The following SERTAD3 variants were observed in gnomAD, a reference collection of about 807,000 sequenced individuals.
SERTAD3 encodes the protein SERTA domain-containing protein 3.
A neutral mutation model predicts 11.9 loss-of-function variants in SERTAD3; 6 were observed. That is an observed-to-expected ratio of 0.50 (90% CI 0.28 to 0.99). The LOEUF (loss-of-function observed/expected upper bound fraction) is 0.99. SERTAD3 is among the 50% of genes least tolerant of loss of function. SERTAD3 has a pLI of 0.11. For synonymous variants in SERTAD3, 101 were observed against 98.9 expected (o/e 1.02, Z -0.13); for missense variants, 261 against 240.9 (o/e 1.08, Z -0.55).
At position 40,441,945 on chromosome 19, in the gene SERTAD3, C is replaced by T. The variant is rs1339982409; in HGVS notation, c.136G>A (p.Gly46Ser). The T allele has an allele frequency of 6.4e-7, 1 of 1,570,172 alleles. No homozygotes were observed. The highest frequency in any genetic ancestry group is 8.6e-7 in the Non-Finnish European group (1 of 1,159,304). Residue 46 changes from glycine (G) to serine (S), a missense_variant, in exon 2 of 2, where the codon GGC becomes AGC. Physicochemically the swap from Gly to Ser is moderately conservative, Grantham distance 56. Coordinates refer to ENST00000322354, the MANE Select transcript of SERTAD3 (RefSeq NM_203344.3). ...CTGCGGAGGCTGGGTGCTCGGGGGC[C>T]CAGGCTGCGCTGGACTTTGTCTAGG... is the stretch of plus-strand genomic sequence containing the variant. ...ISLDKVQRSL[G>S]PRAPSLRRHV...
rs760926284 is a variant in SERTAD3 at position 40,441,977 on chromosome 19, C to T, written c.104G>A (p.Arg35His). Residue 35 changes from arginine (R) to histidine (H), a missense_variant, in exon 2 of 2, where the codon CGC becomes CAC. Transcript: ENST00000322354. Reference sequence around the variant, plus strand: ...GCGCTGGACTTTGTCTAGGGAGATGCGGAGCAGGGCTTGCTGGTAGCTCTG... The same window carrying T: ...GCGCTGGACTTTGTCTAGGGAGATGTGGAGCAGGGCTTGCTGGTAGCTCTG... The part of the protein sequence containing the change: ...GLQSYQQALL[R>H]ISLDKVQRSL... 1.3e-6 allele frequency: 2 copies of T among 1,553,514 alleles called. No individual in the cohort carries two copies. The highest frequency in any genetic ancestry group is 1.2e-5 in the South Asian group (1 of 81,262).
intron 1 of SERTAD3, chr19:40,443,530 T>G (rs570111450): frequency 6.5e-6 from 1 of 153,142 alleles, no homozygotes; most frequent in African/African-American, 2.4e-5. Flanking sequence ...CCGGTCCCTC[T>G]GTTCCTTGAA....
Position 40,441,746 on chromosome 19 carries a change from G to C in SERTAD3, c.335C>G (p.Pro112Arg). Residue 112 changes from proline (P) to arginine (R), a missense_variant, in exon 2 of 2, where the codon CCT becomes CGT. Physicochemically the swap from Pro to Arg is moderately radical, Grantham distance 103. Transcript: ENST00000322354. ...LDTSMDGTEP[P>R]QNPVTPLGLQ... ...GCCAAGGGGAGTCACTGGATTCTGA[G>C]GGGGCTCAGTCCCATCCATGGAGGT... The C allele has an allele frequency of 1.9e-6, 3 of 1,614,042 alleles. No individual in the cohort carries two copies. Among genetic ancestry groups the C allele is most frequent in the Non-Finnish European group, 2.5e-6 (3 of 1,179,952 alleles).
intron 1 of SERTAD3, chr19:40,442,295 C>CCGTCTGAGAAGTGAGGA: frequency 2.5e-6 from 1 of 392,720 alleles, no homozygotes; most frequent in South Asian, 1.3e-4. Context: ...TCTGGCGTTA[C>CCGTCTGAGAAGTGAGGA]GTACAGCTAG....
chr19:40,443,556 T>C (rs2079695236), intron 1 of SERTAD3: 1 of 153,210 alleles, frequency 6.5e-6, no homozygotes, highest in African/African-American at 2.4e-5. Context: ...GCGATTCTCC[T>C]TCCAAACTGC....
intron 1 of SERTAD3, chr19:40,443,615 T>G (rs1209070811): frequency 6.5e-6 from 1 of 153,596 alleles, no homozygotes; most frequent in Non-Finnish European, 1.5e-5. Context: ...AAGACGACAA[T>G]GCTCCGATCT....
chr19:40,442,234 G>A (rs1305992409), intron 1 of SERTAD3, 148 bp from the exon 2 acceptor site: 1 of 441,604 alleles, frequency 2.3e-6, no homozygotes, highest in Non-Finnish European at 3.9e-6. Context: ...AAGGCTGTCT[G>A]AATCCTACAA....
Position 40,441,767 on chromosome 19 carries a change from G to T in SERTAD3, c.314C>A (p.Ser105Tyr), listed in dbSNP as rs1286303938. The T allele has an allele frequency of 2.5e-6, 4 of 1,613,270 alleles. No homozygotes were observed. Among genetic ancestry groups the T allele is most frequent in the Non-Finnish European group, 3.4e-6 (4 of 1,179,690 alleles). Reference protein sequence around the residue: ...IGSILRELDTSMDGTEPPQNP... With the variant: ...IGSILRELDTYMDGTEPPQNP... The stretch of plus-strand genomic sequence containing the variant: ...CTGAGGGGGCTCAGTCCCATCCATG[G>T]AGGTGTCCAGCTCCCTGAGGATAGA... The change falls in exon 2 of 2, where the codon TCC becomes TAC. Residue 105 changes from serine to tyrosine, a missense_variant. By Grantham distance (144) the Ser-to-Tyr change is moderately radical. Coordinates refer to ENST00000322354, the MANE Select transcript of SERTAD3 (RefSeq NM_203344.3).
chr19:40,441,919 C>T lies in SERTAD3; in HGVS notation c.162G>A (p.Arg54=). 6.4e-7 allele frequency: 1 copy of T among 1,573,528 alleles called. No individual in the cohort carries two copies. Among genetic ancestry groups the T allele is most frequent in the Non-Finnish European group, 8.6e-7 (1 of 1,160,898 alleles). The stretch of plus-strand genomic sequence containing the variant: ...GGAGGGTGTTATGGATGAGGACATG[C>T]CTGCGGAGGCTGGGTGCTCGGGGGC... ...SLGPRAPSLR[R]HVLIHNTLQQ... The change falls in exon 2 of 2, where the codon AGG becomes AGA. Residue 54 remains arginine, a synonymous_variant. Transcript: ENST00000322354.
At position 40,441,254 on chromosome 19, in the gene SERTAD3, T is replaced by C. The variant is rs2079672950; in HGVS notation, c.*236A>G. ...GAAAATCAGACTCCCAGAAACAGAG[T>C]CTCGTTAAGGCATTTGGAATAGATA... On this transcript the variant is annotated 3_prime_UTR_variant, in exon 2 of 2. Transcript: ENST00000322354. 4.9e-6 allele frequency: 2 copies of C among 405,418 alleles called. No individual in the cohort carries two copies. Among genetic ancestry groups the C allele is most frequent in the Admixed American group, 4.2e-5 (1 of 24,082 alleles). 25.1% of individuals were successfully genotyped at this position (405,418 alleles called of 1,614,324 possible).
At position 40,441,846 on chromosome 19, in the gene SERTAD3, G is replaced by GGGGCA. The variant is rs1412571390; in HGVS notation, c.230_234dup (p.Pro79CysfsTer40). On this transcript the variant is annotated frameshift_variant, in exon 2 of 2. Coordinates refer to ENST00000322354, the MANE Select transcript of SERTAD3 (RefSeq NM_203344.3). LOFTEE classifies it high-confidence loss of function. ...TCCTCGCCCAGGAAGAGGGGCTCGG[G>GGGGCA]GGGCAGGGCAGGGGCGGGAGCCAGG... 5.7e-6 allele frequency: 9 copies of GGGGCA among 1,583,286 alleles called. No individual in the cohort carries two copies. The highest frequency in any genetic ancestry group is 1.2e-5 in the South Asian group (1 of 86,552).
intron 1 of SERTAD3, chr19:40,443,849 C>A (rs2145772232): frequency 6.5e-6 from 1 of 153,792 alleles, no homozygotes; most frequent in South Asian, 2.1e-4. Context: ...AATCTCAGCT[C>A]CGTACCTCTC....
Position 40,441,760 on chromosome 19 carries a change from A to G in SERTAD3, c.321T>C (p.Asp107=), listed in dbSNP as rs1165222428. The change falls in exon 2 of 2, where the codon GAT becomes GAC. Residue 107 remains aspartate (D), a synonymous_variant. Transcript: ENST00000322354. The stretch of plus-strand genomic sequence containing the variant: ...CTGGATTCTGAGGGGGCTCAGTCCC[A>G]TCCATGGAGGTGTCCAGCTCCCTGA... ...SILRELDTSM[D]GTEPPQNPVT... The G allele has an allele frequency of 1.2e-6, 2 of 1,613,816 alleles. No homozygotes were observed. The highest frequency in any genetic ancestry group is 8.5e-7 in the Non-Finnish European group (1 of 1,179,858).
intron 1 of SERTAD3, 23 bp from the exon 2 acceptor site, chr19:40,442,109 G>T: frequency 7.2e-7 from 1 of 1,389,602 alleles, no homozygotes; most frequent in East Asian, 2.6e-5. Context: ...GAGGCGCATA[G>T]GGGAAGGTCA....
rs1391072033 is a variant in SERTAD3, at chr19:40,444,244, C to G, written c.-36G>C. 2 of 152,484 alleles carry G rather than the reference C, an allele frequency of 1.3e-5. No individual in the cohort carries two copies. Among genetic ancestry groups the G allele is most frequent in the African/African-American group, 2.4e-5 (1 of 41,448 alleles). The allele number at this position is 152,484 out of a possible 1,614,324, so 9.4% of individuals were successfully genotyped here. On this transcript the variant is annotated 5_prime_UTR_variant, in exon 1 of 2. Coordinates refer to ENST00000322354, the MANE Select transcript of SERTAD3 (RefSeq NM_203344.3). Reference sequence around the variant, plus strand: ...GCTGCCAGGTTCGCCACGACCACCTCCTGGAACGCCCACAGCGTTGCGACC... The same window carrying G: ...GCTGCCAGGTTCGCCACGACCACCTGCTGGAACGCCCACAGCGTTGCGACC...
At position 40,441,783 on chromosome 19, in the gene SERTAD3, T is replaced by G; in HGVS notation, c.298A>C (p.Arg100=). The change falls in exon 2 of 2, where the codon AGG becomes CGG. Residue 100 remains arginine, a synonymous_variant. Transcript: ENST00000322354. ...CCATCCATGGAGGTGTCCAGCTCCC[T>G]GAGGATAGAGCCAATGGTGGCTGAC... The part of the protein sequence containing the change: ...SLSATIGSIL[R]ELDTSMDGTE... 1 of 1,610,592 alleles carries G rather than the reference T, an allele frequency of 6.2e-7. No individual in the cohort carries two copies. Among genetic ancestry groups the G allele is most frequent in the South Asian group, 1.1e-5 (1 of 90,746 alleles).
intron 1 of SERTAD3, chr19:40,442,740 C>T (rs928484806): frequency 5.2e-5 from 8 of 152,478 alleles, no homozygotes; most frequent in African/African-American, 1.9e-4. Context: ...GGGTCTCGCT[C>T]TGTCGCCCAG....
chr19:40,442,032 C>G lies in SERTAD3; in HGVS notation c.49G>C (p.Glu17Gln). 1 of 1,504,996 alleles carries G rather than the reference C, an allele frequency of 6.6e-7. No homozygotes were observed. Among genetic ancestry groups the G allele is most frequent in the Middle Eastern group, 1.8e-4 (1 of 5,570 alleles). The allele number at this position is 1,504,996 out of a possible 1,614,324, so 93.2% of individuals were successfully genotyped here. Residue 17 changes from glutamate (E) to glutamine (Q), a missense_variant, in exon 2 of 2, where the codon GAG becomes CAG. By Grantham distance (29) the Glu-to-Gln change is conservative (BLOSUM62 2). Coordinates refer to ENST00000322354, the MANE Select transcript of SERTAD3 (RefSeq NM_203344.3). ...CCTGCTGGACTCCACTCCCACCTCT[C>G]CTCCTCCTCTTCCAAATCAGAGTGT... ...RKHSDLEEEEERWEWSPAGLQ... is the reference protein window; with the variant it reads ...RKHSDLEEEEQRWEWSPAGLQ...
chr19:40,441,631 G>C lies in SERTAD3; in HGVS notation c.450C>G (p.Phe150Leu). Reference protein sequence around the residue: ...RYLGDSGLDDFFLDIDTSAVE... With the variant: ...RYLGDSGLDDLFLDIDTSAVE... ...CCGCAGATGTGTCAATGTCCAGAAAGAAGTCATCCAGGCCAGAGTCCCCCA... is the reference window on the plus strand; with the variant it reads ...CCGCAGATGTGTCAATGTCCAGAAACAAGTCATCCAGGCCAGAGTCCCCCA... Residue 150 changes from phenylalanine to leucine, a missense_variant, in exon 2 of 2, where the codon TTC becomes TTG. By Grantham distance (22) the Phe-to-Leu change is conservative. Transcript: ENST00000322354. 2.5e-6 allele frequency: 4 copies of C among 1,614,196 alleles called. No homozygotes were observed. Among genetic ancestry groups the C allele is most frequent in the Non-Finnish European group, 3.4e-6 (4 of 1,180,036 alleles).
Sources: allele counts gnomAD v4.1 joint callset, GRCh38; gene constraint gnomAD v4.1.1; transcripts MANE v1.5; gene names NCBI Gene and HGNC (gene_info 2026-07-23, HGNC 2026-07-21).